The following PAN3 variants were observed in gnomAD, a reference collection of about 807,000 sequenced individuals.
PAN3 encodes the protein PAN2-PAN3 deadenylation complex subunit PAN3.
A neutral mutation model predicts 96.2 loss-of-function variants in PAN3; 19 were observed. That is an observed-to-expected ratio of 0.20 (90% confidence interval 0.14 to 0.29). The LOEUF is 0.29. PAN3 is among the 10% of genes least tolerant of loss of function. PAN3 has a pLI of 1.00. For synonymous variants in PAN3, 433 were observed against 406.6 expected, an observed-to-expected ratio of 1.06 and a Z score of -0.78; for missense variants, 882 against 1,108.1, an observed-to-expected ratio of 0.80 and a Z score of 2.90.
chr13:28,171,244 A>T (rs538266866), intron 1 of PAN3, among the ~76,000 whole-genome samples: 1 of 150,540 alleles, frequency 6.6e-6, no homozygotes, highest in Admixed American at 6.6e-5. Flanking sequence ...AATGGTTATT[A>T]CACTAGAAAG....
At chr13:28,178,425 G>A (rs1875328477) in intron 4 of PAN3, among the ~76,000 whole-genome samples, 1 of 151,982 alleles carries the variant, frequency 6.6e-6, no homozygotes, top group Non-Finnish European at 1.5e-5. Context: ...AATTTTATTT[G>A]GAATTTAGAT....
intron 3 of PAN3, 69 bp downstream of exon 3, chr13:28,176,628 C>T (rs2138112746): frequency 2.1e-6 from 3 of 1,438,378 alleles, no homozygotes; most frequent in Middle Eastern, 3.6e-4. Flanking sequence ...TAATATACAA[C>T]CATTGTAGAA....
intron 5 of PAN3, among the ~76,000 whole-genome samples, chr13:28,218,096 G>T (rs1270841631): frequency 6.6e-6 from 1 of 151,840 alleles, no homozygotes; most frequent in East Asian, 1.9e-4. Flanking sequence ...ATTTTTAATA[G>T]ATTTTATAGT....
At chr13:28,221,980 G>T (rs941314092) in intron 6 of PAN3, among the ~76,000 whole-genome samples, 1 of 152,088 alleles carries the variant, frequency 6.6e-6, no homozygotes, top group African/African-American at 2.4e-5. Flanking sequence ...CAAAGCATCC[G>T]CAATAATGGG....
intron 1 of PAN3, among the ~76,000 whole-genome samples, chr13:28,166,165 T>G (rs1205224922): frequency 3.3e-5 from 5 of 152,224 alleles, no homozygotes; most frequent in Non-Finnish European, 7.3e-5. Context: ...CTCAAGGTAT[T>G]CATCCTAAGG....
intron 4 of PAN3, among the ~76,000 whole-genome samples, chr13:28,191,958 T>C (rs1023702449): frequency 6.6e-6 from 1 of 152,080 alleles, no homozygotes; most frequent in Non-Finnish European, 1.5e-5. Flanking sequence ...CAGGCTGATC[T>C]TGAAGTCGGC....
intron 5 of PAN3, among the ~76,000 whole-genome samples, chr13:28,199,676 T>A (rs1030730445): frequency 6.6e-6 from 1 of 152,198 alleles, no homozygotes; most frequent in Non-Finnish European, 1.5e-5. Flanking sequence ...TATATATTTT[T>A]GTATTGGAGT....
intron 1 of PAN3, among the ~76,000 whole-genome samples, chr13:28,139,639 G>A (rs1328720434): frequency 6.6e-6 from 1 of 151,772 alleles, no homozygotes; most frequent in Non-Finnish European, 1.5e-5. Flanking sequence ...GCGGGAGAAA[G>A]GTTTTGCAGG....
At chr13:28,180,118 A>C (rs1566163571) in intron 4 of PAN3, among the ~76,000 whole-genome samples, 1 of 152,184 alleles carries the variant, frequency 6.6e-6, no homozygotes, top group African/African-American at 2.4e-5. Flanking sequence ...CCTATGGCCA[A>C]CTTTCTAGGC....
At chr13:28,270,634 A>G (rs1285498399) in intron 12 of PAN3, 67 bp from the exon 13 acceptor site, 2 of 1,503,006 alleles carry the variant, frequency 1.3e-6, no homozygotes, top group African/African-American at 2.8e-5. Context: ...GCTAATTTTG[A>G]TGTTAATGCT....
At chr13:28,147,432 G>A (rs1004515265) in intron 1 of PAN3, among the ~76,000 whole-genome samples, 2 of 152,154 alleles carry the variant, frequency 1.3e-5, no homozygotes, top group African/African-American at 4.8e-5. Context: ...CCCTTGTTAA[G>A]TAGAAACTAT....
intron 6 of PAN3, among the ~76,000 whole-genome samples, chr13:28,255,485 A>G (rs1284580095): frequency 6.6e-6 from 1 of 152,072 alleles, no homozygotes; most frequent in African/African-American, 2.4e-5. Context: ...GGTAAAGACA[A>G]TTGTCCTTTC....
chr13:28,235,510 G>A (rs1882996347), intron 6 of PAN3, among the ~76,000 whole-genome samples: 1 of 151,978 alleles, frequency 6.6e-6, no homozygotes. Context: ...ATGTTGCCTG[G>A]AAGGCTCTCC....
intron 6 of PAN3, among the ~76,000 whole-genome samples, chr13:28,247,934 TG>T (rs1884361174): frequency 1.3e-5 from 2 of 152,208 alleles, no homozygotes; most frequent in African/African-American, 2.4e-5. Flanking sequence ...AATTTTGTAT[TG>T]TTTTTTCTGT....
At chr13:28,266,944 A>C in intron 10 of PAN3, 68 bp downstream of exon 10, 1 of 1,342,140 alleles carries the variant, frequency 7.5e-7, no homozygotes, top group Non-Finnish European at 9.9e-7. Flanking sequence ...AACCTTCTTG[A>C]ATATATTATT....
At chr13:28,261,342 A>C in intron 8 of PAN3, 59 bp from the exon 9 acceptor site, 38 of 1,156,328 alleles carry the variant, frequency 3.3e-5, no homozygotes, top group Middle Eastern at 3.0e-4. Flanking sequence ...TAATTATAAT[A>C]GGAATTCCAG....
intron 7 of PAN3, among the ~76,000 whole-genome samples, chr13:28,258,091 T>C (rs143662693): frequency 6.6e-6 from 1 of 152,218 alleles, no homozygotes; most frequent in Non-Finnish European, 1.5e-5. Flanking sequence ...GTGCCGGGAT[T>C]ACAGGCGTGA....
chr13:28,224,828 T>G (rs1051128696), intron 6 of PAN3, among the ~76,000 whole-genome samples: 1 of 152,166 alleles, frequency 6.6e-6, no homozygotes, highest in East Asian at 1.9e-4. Flanking sequence ...CTCACTATAT[T>G]TTCCAGGCTG....
chr13:28,267,887 A>G (rs1332315142), intron 12 of PAN3, among the ~76,000 whole-genome samples: 4 of 152,182 alleles, frequency 2.6e-5, no homozygotes, highest in African/African-American at 4.8e-5. Flanking sequence ...CAGCCAAACC[A>G]TATCACATTT....
Sources: allele counts gnomAD v4.1 joint callset (sites outside exome capture counted in the v4.1 genomes callset), GRCh38; gene constraint gnomAD v4.1.1; transcripts MANE v1.5; gene names NCBI Gene and HGNC (gene_info 2026-07-23, HGNC 2026-07-21).